Variants in GPR158 observed in about 807,000 individuals in gnomAD.
GPR158 encodes metabotropic glycine receptor.
GPR158 carries 30 observed loss-of-function variants against 78.2 expected under a neutral mutation model. The observed-to-expected ratio is 0.38, with a 90% CI of 0.29 to 0.52. GPR158 has a LOEUF of 0.52. GPR158 is among the 20% of genes least tolerant of loss of function. The probability of loss-of-function intolerance (pLI) is 0.83; values close to 1 mark genes in which losing one functional copy is unlikely to be tolerated. For synonymous variants in GPR158, 581 were observed against 591.1 expected, an observed-to-expected ratio of 0.98 and a Z score of 0.25; for missense variants, 1,463 against 1,523.5, an observed-to-expected ratio of 0.96 and a Z score of 0.66.
rs191846553 is a variant in GPR158 at position 25,200,308 on chromosome 10, A to G, written c.903-20744A>G. ...TCATGTGCTCATTAGCCATGTATTT[A>G]TCTTCTTTTGAAAAGTGTCTGTTCG... On this transcript the variant is annotated intron_variant, in intron 1 of 10. Transcript: ENST00000376351. Among the ~76,000 whole-genome samples, 57 of 151,986 alleles carry G rather than the reference A, an allele frequency of 3.8e-4. No individual in the cohort carries two copies. The East Asian group carries it at 7.3e-3, about 20-fold the overall frequency.
chr10:25,474,924 G>A (rs1835562509), intron 5 of GPR158, among the ~76,000 whole-genome samples: 1 of 151,626 alleles, frequency 6.6e-6, no homozygotes, highest in African/African-American at 2.4e-5. Context: ...ACTTTCTCAT[G>A]TTATTTTTGG....
intron 4 of GPR158, among the ~76,000 whole-genome samples, chr10:25,433,335 A>G (rs1834938386): frequency 1.3e-5 from 1 of 74,612 alleles, no homozygotes; most frequent in Non-Finnish European, 4.0e-5. Flanking sequence ...TGCCTCATTG[A>G]AACTTAACGT....
At chr10:25,282,059 A>G (rs1053486171) in intron 2 of GPR158, among the ~76,000 whole-genome samples, 7 of 152,200 alleles carry the variant, frequency 4.6e-5, no homozygotes, top group African/African-American at 1.7e-4. Flanking sequence ...GTATTTATCC[A>G]TCATCATAAT....
chr10:25,273,797 A>T (rs1211550394), intron 2 of GPR158, among the ~76,000 whole-genome samples: 1 of 151,784 alleles, frequency 6.6e-6, no homozygotes, highest in Non-Finnish European at 1.5e-5. Flanking sequence ...TTCCCACCTC[A>T]GCCTCCTGAG....
At chr10:25,373,480 ATTTCTT>A (rs1834032939) in intron 2 of GPR158, among the ~76,000 whole-genome samples, 1 of 151,834 alleles carries the variant, frequency 6.6e-6, no homozygotes, top group South Asian at 2.1e-4. Context: ...TCTGCTTTAC[ATTTCTT>A]TTTCTTATTT....
At chr10:25,264,605 A>C (rs1368422412) in intron 2 of GPR158, among the ~76,000 whole-genome samples, 1 of 152,230 alleles carries the variant, frequency 6.6e-6, no homozygotes, top group Admixed American at 6.5e-5. Context: ...AGAGATAATA[A>C]GAAATTGTCA....
intron 5 of GPR158, among the ~76,000 whole-genome samples, chr10:25,477,279 C>A (rs751668709): frequency 6.6e-6 from 1 of 151,984 alleles, no homozygotes; most frequent in East Asian, 1.9e-4. Flanking sequence ...GAGAATATAG[C>A]GAAAGCAGCC....
At chr10:25,325,373 G>A (rs112783782) in intron 2 of GPR158, among the ~76,000 whole-genome samples, 2,332 of 152,078 alleles carry the variant, frequency 0.015, 69 homozygotes, top group African/African-American at 0.053. Flanking sequence ...TAAATGACAA[G>A]GTTTCCTTCT....
At chr10:25,286,016 T>C (rs1188400348) in intron 2 of GPR158, among the ~76,000 whole-genome samples, 3 of 152,232 alleles carry the variant, frequency 2.0e-5, no homozygotes, top group Admixed American at 2.0e-4. Flanking sequence ...TCATTGTTTC[T>C]GTCTATGTAA....
At chr10:25,475,700 CTT>C (rs1239801389) in intron 5 of GPR158, 1 of 152,094 alleles carries the variant, frequency 6.6e-6, no homozygotes, top group Admixed American at 6.6e-5. Context: ...TGACTAATAT[CTT>C]TCTTGTTTGT....
intron 2 of GPR158, among the ~76,000 whole-genome samples, chr10:25,232,388 C>T (rs1042890798): frequency 1.1e-4 from 16 of 152,294 alleles, no homozygotes; most frequent in Middle Eastern, 3.4e-3. Flanking sequence ...TCAAAGCTTT[C>T]AGTGAGAAAT....
In GPR158 at chr10:25,363,273, A is replaced by G. The variant is rs558666895; in HGVS notation, c.1009-32638A>G. On this transcript the variant is annotated intron_variant, in intron 2 of 10. Transcript: ENST00000376351. ...GTATTTTGTTATCACTAGCTGATTG[A>G]TGTCTTTTCAGATTCTGTTTTTATC... Among the ~76,000 whole-genome samples, 4 of 151,912 alleles carry G rather than the reference A, an allele frequency of 2.6e-5. 1 individual carries two copies. The South Asian group carries it at 8.3e-4, about 31-fold the overall frequency.
intron 6 of GPR158, among the ~76,000 whole-genome samples, chr10:25,568,266 G>A (rs1836958320): frequency 1.3e-5 from 2 of 152,130 alleles, no homozygotes; most frequent in East Asian, 1.9e-4. Flanking sequence ...TAACTGAGAT[G>A]GGGAGCCGTT....
intron 4 of GPR158, among the ~76,000 whole-genome samples, chr10:25,442,052 A>C (rs1412103084): frequency 2.0e-5 from 3 of 152,196 alleles, no homozygotes; most frequent in Non-Finnish European, 2.9e-5. Context: ...TTTTATTTTA[A>C]AATGTCTGTG....
intron 5 of GPR158, among the ~76,000 whole-genome samples, chr10:25,483,313 T>C (rs1020058481): frequency 6.6e-5 from 10 of 152,098 alleles, no homozygotes; most frequent in African/African-American, 1.7e-4. Flanking sequence ...CTCTTCATTG[T>C]TCTCAAACCG....
chr10:25,392,345 G>A (rs773087951), intron 2 of GPR158, among the ~76,000 whole-genome samples: 13 of 152,142 alleles, frequency 8.5e-5, no homozygotes, highest in Non-Finnish European at 1.8e-4. Context: ...TCCACACTTG[G>A]CTTGCCCTTG....
intron 2 of GPR158, among the ~76,000 whole-genome samples, chr10:25,289,743 G>A (rs985190232): frequency 3.9e-5 from 6 of 152,096 alleles, no homozygotes; most frequent in African/African-American, 7.2e-5. Flanking sequence ...TTTTCTAATT[G>A]CACATCAAAA....
intron 2 of GPR158, among the ~76,000 whole-genome samples, chr10:25,370,103 C>A (rs1399254773): frequency 7.1e-6 from 1 of 140,626 alleles, no homozygotes; most frequent in African/African-American, 2.5e-5. Context: ...TTTTGTTGAT[C>A]TTTTCAAAAA....
intron 2 of GPR158, among the ~76,000 whole-genome samples, chr10:25,297,005 C>T (rs1026107694): frequency 1.3e-5 from 2 of 152,154 alleles, no homozygotes; most frequent in Non-Finnish European, 2.9e-5. Flanking sequence ...CTTCCTTTGG[C>T]ATATTTTTGT....
Sources: gnomAD v4.1 joint callset for allele counts (sites outside exome capture counted in the v4.1 genomes callset) on GRCh38, gnomAD v4.1.1 for gene constraint, MANE v1.5 for transcripts, NCBI Gene and HGNC (gene_info 2026-07-23, HGNC 2026-07-21) for gene names.